Variants in C12orf76 observed in about 807,000 individuals in gnomAD.
C12orf76 encodes uncharacterized protein C12orf76.
In C12orf76, 6 loss-of-function variants were observed where a neutral mutation model predicts 6.8. The ratio of observed to expected loss-of-function variants is 0.88; its 90% confidence interval spans 0.48 to 1.73. The LOEUF (loss-of-function observed/expected upper bound fraction) is 1.73. Among genes scored for constraint, C12orf76 ranks in the 40% most tolerant of loss-of-function variants. The pLI, the probability that C12orf76 is intolerant of heterozygous loss-of-function variation, is 0.01. For synonymous variants in C12orf76, 56 were observed against 43.7 expected, an observed-to-expected ratio of 1.28 and a Z score of -1.11; for missense variants, 99 against 98.2, an observed-to-expected ratio of 1.01 and a Z score of -0.03.
In C12orf76 at chr12:110,063,602, TTTTATTTA is replaced by T. The variant is rs147216427; in HGVS notation, n.380+2250_380+2257del. Among the ~76,000 whole-genome samples the T allele has an allele frequency of 5.3e-3, 730 of 138,760 alleles. 7 individuals carry two copies. Among genetic ancestry groups the T allele is most frequent in the African/African-American group, 0.017 (624 of 37,136 alleles). 91.0% of individuals were successfully genotyped at this position (138,760 alleles called of 152,430 possible). On this transcript the variant is annotated intron_variant and non_coding_transcript_variant, in intron 2 of 4. Transcript: ENST00000309050. ...ACCACGCCTGGTGAGGGATTTTTAT[TTTTATTTA>T]TTTATTTATTTATTTATTTATTTAT...
At chr12:110,062,472 G>C (rs1425536321) in intron 2 of C12orf76, among the ~76,000 whole-genome samples, 2 of 152,038 alleles carry the variant, frequency 1.3e-5, no homozygotes, top group Non-Finnish European at 2.9e-5. Flanking sequence ...CTCTTACTAG[G>C]CTGATGAAAT....
chr12:110,048,325 G>A (rs1403023695), intron 1 of C12orf76, 38 bp downstream of exon 1: 12 of 1,473,708 alleles, frequency 8.1e-6, no homozygotes, highest in Non-Finnish European at 1.1e-5. Flanking sequence ...TGAAAGCTCA[G>A]GCACTACCCG....
intron 1 of C12orf76, among the ~76,000 whole-genome samples, chr12:110,043,060 T>C (rs1892356837): frequency 6.7e-6 from 1 of 148,650 alleles, no homozygotes; most frequent in Admixed American, 6.7e-5. Flanking sequence ...AGAATGAAAC[T>C]CCACCTCAAA....
upstream of C12orf76, among the ~76,000 whole-genome samples, chr12:110,070,523 G>A (rs911471997): frequency 3.9e-5 from 6 of 152,240 alleles, no homozygotes; most frequent in East Asian, 1.9e-4. Flanking sequence ...CTGTGATCAC[G>A]CCACTGCACT....
At chr12:110,046,877 C>A (rs1892462940) in intron 1 of C12orf76, among the ~76,000 whole-genome samples, 1 of 152,112 alleles carries the variant, frequency 6.6e-6, no homozygotes, top group African/African-American at 2.4e-5. Context: ...GGGGATGCCA[C>A]CAAACTTCTT....
intron 4 of C12orf76, among the ~76,000 whole-genome samples, chr12:110,055,333 C>T (rs1892649837): frequency 6.6e-6 from 1 of 151,768 alleles, no homozygotes; most frequent in Admixed American, 6.6e-5. Flanking sequence ...CCTGCCTCAG[C>T]CTCCCTAGTA....
upstream of C12orf76, chr12:110,049,743 G>A (rs1031938340): frequency 5.3e-5 from 8 of 152,204 alleles, no homozygotes; most frequent in Non-Finnish European, 1.0e-4. Flanking sequence ...CAGGGGATGC[G>A]ATGGCTTGGC....
chr12:110,062,776 T>G (rs1054346339), intron 2 of C12orf76, among the ~76,000 whole-genome samples: 1 of 142,214 alleles, frequency 7.0e-6, no homozygotes, highest in African/African-American at 2.7e-5. Context: ...TGCACCACCA[T>G]GCCCAGCTAA....
upstream of C12orf76, among the ~76,000 whole-genome samples, chr12:110,072,651 G>A (rs1401930201): frequency 1.3e-5 from 2 of 152,150 alleles, no homozygotes; most frequent in East Asian, 1.9e-4. Flanking sequence ...AGCCAGACAC[G>A]GTGGCTCACG....
exon 4 of C12orf76, chr12:110,057,256 G>A (rs1487583502): frequency 6.2e-7 from 1 of 1,614,042 alleles, no homozygotes; most frequent in Non-Finnish European, 8.5e-7. Context: ...TCTGCAGGGA[G>A]GATGTGCCTT....
intron 1 of C12orf76, chr12:110,066,073 T>A: frequency 6.8e-7 from 1 of 1,476,456 alleles, no homozygotes; most frequent in Non-Finnish European, 9.0e-7. Flanking sequence ...GCAGACCTCA[T>A]GTTTCTATTT....
chr12:110,065,498 C>T (rs1892844337), intron 2 of C12orf76, among the ~76,000 whole-genome samples: 1 of 152,068 alleles, frequency 6.6e-6, no homozygotes, highest in Non-Finnish European at 1.5e-5. Context: ...TGGTAAAAGG[C>T]ATCATCAATC....
intron 2 of C12orf76, chr12:110,059,181 G>T: frequency 6.5e-7 from 1 of 1,535,776 alleles, no homozygotes; most frequent in East Asian, 2.5e-5. Flanking sequence ...AAAAAAAAAT[G>T]CACACACACA....
At chr12:110,043,046 C>T (rs534080486) in intron 1 of C12orf76, among the ~76,000 whole-genome samples, 149 of 151,328 alleles carry the variant, frequency 9.8e-4, no homozygotes, top group Non-Finnish European at 1.6e-3. Flanking sequence ...CGCCACTAAG[C>T]GACAGAATGA....
At chr12:110,046,459 T>C (rs1360133920) in intron 1 of C12orf76, among the ~76,000 whole-genome samples, 1 of 152,184 alleles carries the variant, frequency 6.6e-6, no homozygotes, top group Non-Finnish European at 1.5e-5. Context: ...TGTACGGAAC[T>C]GTCTAGGACA....
At chr12:110,046,329 G>A (rs1158400636) in intron 1 of C12orf76, among the ~76,000 whole-genome samples, 1 of 152,218 alleles carries the variant, frequency 6.6e-6, no homozygotes, top group African/African-American at 2.4e-5. Context: ...AAGAGGCTGA[G>A]GCAGGATAAT....
intron 1 of C12orf76, among the ~76,000 whole-genome samples, chr12:110,047,596 A>T (rs1307552435): frequency 6.6e-6 from 1 of 151,748 alleles, no homozygotes; most frequent in Non-Finnish European, 1.5e-5. Flanking sequence ...AGGTGGCAGG[A>T]TCACTTAAAC....
upstream of C12orf76, among the ~76,000 whole-genome samples, chr12:110,068,103 C>T (rs925685381): frequency 1.3e-5 from 2 of 151,772 alleles, no homozygotes; most frequent in Admixed American, 1.3e-4. Context: ...ACTCAGGAGG[C>T]TGAGGCAGGA....
chr12:110,048,078 G>A (rs1279969006), intron 1 of C12orf76, among the ~76,000 whole-genome samples: 1 of 152,228 alleles, frequency 6.6e-6, no homozygotes, highest in Admixed American at 6.5e-5. Context: ...GTGTGCGCCT[G>A]TAATCCCAGC....
Sources: allele counts gnomAD v4.1 joint callset (sites outside exome capture counted in the v4.1 genomes callset), GRCh38; gene constraint gnomAD v4.1.1; transcripts MANE v1.5; gene names NCBI Gene and HGNC (gene_info 2026-07-23, HGNC 2026-07-21).